Variants in CRY1 observed in about 807,000 individuals in gnomAD.
CRY1 encodes cryptochrome circadian regulator 1.
Under a neutral mutation model 76.0 loss-of-function variants are expected in CRY1, and 45 were observed. The observed-to-expected ratio is 0.59, with a 90% CI of 0.47 to 0.76. CRY1 has a LOEUF of 0.76. Ranked by LOEUF, CRY1 falls within the 30% of genes least tolerant of loss-of-function variation. The pLI is 0.00. For synonymous variants in CRY1, 248 were observed against 244.0 expected (o/e 1.02, Z -0.15); for missense variants, 587 against 716.4 (o/e 0.82, Z 2.06).
At chr12:107,019,481 A>T (rs955957328) in intron 2 of CRY1, among the ~76,000 whole-genome samples, 2 of 152,218 alleles carry the variant, frequency 1.3e-5, no homozygotes, top group Admixed American at 6.5e-5. Flanking sequence ...CCTCTCTGCC[A>T]AATTGATAAG....
In CRY1 at chr12:107,092,889, T is replaced by G. The variant is rs780562361; in HGVS notation, c.73A>C (p.Ile25Leu). ...CAGCGGATGGTGTCGGCGCCCTGAA[T>G]GCACTCCTTCAGGGCGGGGTTGTCG... ...LHDNPALKEC[I>L]QGADTIRCVY... The change falls in exon 1 of 13, where the codon ATT becomes CTT. Residue 25 changes from isoleucine to leucine, a missense_variant. By Grantham distance (5) the Ile-to-Leu change is conservative. Transcript: ENST00000008527. 1.9e-6 allele frequency: 3 copies of G among 1,610,110 alleles called. No homozygotes were observed. The highest frequency in any genetic ancestry group is 2.5e-6 in the Non-Finnish European group (3 of 1,179,308).
intron 1 of CRY1, among the ~76,000 whole-genome samples, chr12:107,064,974 G>C (rs943590388): frequency 6.6e-6 from 1 of 152,068 alleles, no homozygotes; most frequent in Non-Finnish European, 1.5e-5. Context: ...GGAGATAAAA[G>C]GACTGCTGAT....
intron 1 of CRY1, among the ~76,000 whole-genome samples, chr12:107,091,139 A>ATTCTCCGTCTCC: frequency 6.6e-6 from 1 of 151,794 alleles, no homozygotes; most frequent in African/African-American, 2.4e-5. Context: ...TCCTAGGTTC[A>ATTCTCCGTCTCC]TGCGATTCTC....
intron 1 of CRY1, among the ~76,000 whole-genome samples, chr12:107,081,072 G>GA (rs1953318800): frequency 6.6e-6 from 1 of 152,050 alleles, no homozygotes. Context: ...AACTCGTTTT[G>GA]AAAAGAGACA....
At chr12:107,023,173 C>T (rs1368154893) in intron 1 of CRY1, among the ~76,000 whole-genome samples, 1 of 152,014 alleles carries the variant, frequency 6.6e-6, no homozygotes, top group Non-Finnish European at 1.5e-5. Flanking sequence ...AAGTATTTGT[C>T]TGCCTTTTTC....
intron 1 of CRY1, among the ~76,000 whole-genome samples, chr12:107,041,093 C>T (rs537625654): frequency 6.6e-6 from 1 of 151,878 alleles, no homozygotes; most frequent in East Asian, 1.9e-4. Context: ...TCTACACTTA[C>T]AGAGAGAAAT....
intron 2 of CRY1, 80 bp from the exon 3 acceptor site, chr12:107,005,328 A>C (rs542901117): frequency 7.1e-7 from 1 of 1,405,202 alleles, no homozygotes; most frequent in African/African-American, 1.4e-5. Context: ...GAAAAAGCTG[A>C]AAATCTACAT....
At chr12:107,027,346 C>T (rs1488031594) in intron 1 of CRY1, among the ~76,000 whole-genome samples, 1 of 152,126 alleles carries the variant, frequency 6.6e-6, no homozygotes, top group Non-Finnish European at 1.5e-5. Context: ...CAGGAACATA[C>T]TTTCAGACCT....
chr12:107,092,191 TTC>T (rs1315803714), intron 1 of CRY1, among the ~76,000 whole-genome samples: 1 of 152,180 alleles, frequency 6.6e-6, no homozygotes, highest in Non-Finnish European at 1.5e-5. Flanking sequence ...TCTCTAAGAT[TTC>T]TTTCAGTGCT....
intron 2 of CRY1, 108 bp downstream of exon 2, chr12:107,021,976 G>C: frequency 1.2e-6 from 1 of 842,136 alleles, no homozygotes; most frequent in Non-Finnish European, 1.8e-6. Context: ...ATTTTTACTT[G>C]AAAATACTTA....
chr12:107,069,149 C>T (rs984792008), intron 1 of CRY1, among the ~76,000 whole-genome samples: 1 of 151,928 alleles, frequency 6.6e-6, no homozygotes, highest in Non-Finnish European at 1.5e-5. Context: ...AGCAGCTGTA[C>T]TATTTTATTC....
At position 106,992,836 on chromosome 12, in the gene CRY1, T is replaced by C. The variant is rs2136814543; in HGVS notation, c.1712A>G (p.Glu571Gly). ...TTTAGGACCAATACTCTGTGTGTCC[T>C]CTTCCTGACTAGGACGTTTCCCACC... ...LSGGKRPSQE[E>G]DTQSIGPKVQ... is the part of the protein sequence containing the mutation. The change falls in exon 12 of 13, where the codon GAG (glutamate) becomes GGG (glycine). Residue 571 changes from glutamate (E) to glycine (G), a missense_variant. Transcript: ENST00000008527. 6.2e-7 allele frequency: 1 copy of C among 1,614,116 alleles called. No homozygotes were observed. Among genetic ancestry groups the C allele is most frequent in the East Asian group, 2.2e-5 (1 of 44,874 alleles).
chr12:107,022,541 C>A (rs1952570778), intron 1 of CRY1, among the ~76,000 whole-genome samples: 1 of 151,666 alleles, frequency 6.6e-6, no homozygotes, highest in Non-Finnish European at 1.5e-5. Context: ...ATGAAAATGG[C>A]TTTTCATATA....
At chr12:107,030,568 G>T (rs1048362659) in intron 1 of CRY1, among the ~76,000 whole-genome samples, 3 of 152,136 alleles carry the variant, frequency 2.0e-5, no homozygotes, top group Non-Finnish European at 4.4e-5. Context: ...ATATACCATG[G>T]TAACAAATCA....
chr12:107,007,729 T>C (rs1234448022), intron 2 of CRY1, among the ~76,000 whole-genome samples: 1 of 152,034 alleles, frequency 6.6e-6, no homozygotes, highest in Non-Finnish European at 1.5e-5. Context: ...AGGGTCTCAC[T>C]GTATTGCCCA....
intron 2 of CRY1, among the ~76,000 whole-genome samples, chr12:107,009,942 GTTTAA>G (rs1183611779): frequency 2.0e-5 from 3 of 151,862 alleles, no homozygotes; most frequent in South Asian, 2.1e-4. Context: ...TTCTGAAAGA[GTTTAA>G]TTTAAGAAGG....
At chr12:107,068,722 C>A (rs1173459121) in intron 1 of CRY1, among the ~76,000 whole-genome samples, 3 of 152,126 alleles carry the variant, frequency 2.0e-5, no homozygotes, top group Non-Finnish European at 4.4e-5. Flanking sequence ...GTACTGATTA[C>A]CTTGTACCCA....
At chr12:107,075,094 C>T (rs1054530206) in intron 1 of CRY1, among the ~76,000 whole-genome samples, 4 of 152,050 alleles carry the variant, frequency 2.6e-5, no homozygotes, top group African/African-American at 9.7e-5. Context: ...TAACCAAATG[C>T]CTTCTATACC....
At chr12:106,997,447 A>C (rs1291624939) in intron 9 of CRY1, 41 bp downstream of exon 9, 2 of 1,613,032 alleles carry the variant, frequency 1.2e-6, no homozygotes, top group African/African-American at 2.7e-5. Context: ...AGATAAGTAC[A>C]TAAACAGCTG....
Sources: allele counts gnomAD v4.1 joint callset (sites outside exome capture counted in the v4.1 genomes callset), GRCh38; gene constraint gnomAD v4.1.1; transcripts MANE v1.5; gene names NCBI Gene and HGNC (gene_info 2026-07-23, HGNC 2026-07-21).